Variants in FAM185A observed in about 807,000 individuals in gnomAD.
FAM185A encodes the protein protein FAM185A.
Under a neutral mutation model 45.7 loss-of-function variants are expected in FAM185A, and 21 were observed. The ratio of observed to expected loss-of-function variants is 0.46; its 90% CI spans 0.33 to 0.66. The LOEUF is 0.66. Ranked by LOEUF, FAM185A falls within the 30% of genes least tolerant of loss-of-function variation. FAM185A has a pLI of 0.03. For missense variants in FAM185A, 305 were observed against 485.4 expected (o/e 0.63, Z 3.49); for synonymous variants, 117 against 194.0 (o/e 0.60, Z 3.30).
downstream of FAM185A, among the ~76,000 whole-genome samples, chr7:102,810,074 G>A (rs936628382): frequency 3.3e-5 from 5 of 152,072 alleles, no homozygotes; most frequent in Non-Finnish European, 5.9e-5. Context: ...AGAGAGGCCC[G>A]TGCGATGCTT....
intron 4 of FAM185A, among the ~76,000 whole-genome samples, chr7:102,767,809 C>A (rs1794504860): frequency 6.7e-6 from 1 of 150,018 alleles, no homozygotes; most frequent in East Asian, 2.0e-4. Context: ...AGTCCCTGAA[C>A]GTCATCTGTA....
intron 7 of FAM185A, among the ~76,000 whole-genome samples, chr7:102,805,712 A>G (rs747939270): frequency 2.0e-5 from 3 of 152,162 alleles, no homozygotes; most frequent in Non-Finnish European, 4.4e-5. Flanking sequence ...TTAAAATAAA[A>G]TAAAGGTGGG....
At chr7:102,758,360 C>A (rs547758646) in intron 3 of FAM185A, among the ~76,000 whole-genome samples, 5,427 of 140,816 alleles carry the variant, frequency 0.039, 98 homozygotes, top group African/African-American at 0.062. Context: ...AAGGATGTTT[C>A]AAAACTCAGC....
chr7:102,761,998 G>T (rs1483453852), intron 4 of FAM185A, among the ~76,000 whole-genome samples: 1 of 152,158 alleles, frequency 6.6e-6, no homozygotes, highest in Non-Finnish European at 1.5e-5. Flanking sequence ...AAATAGCAAG[G>T]AAATACATGC....
At chr7:102,831,431 A>ACACACACCCC in the FAM185A span, among the ~76,000 whole-genome samples, 35 of 147,236 alleles carry the variant, frequency 2.4e-4, no homozygotes, top group African/African-American at 8.2e-4. Flanking sequence ...ACACACACAC[A>ACACACACCCC]CCCCACTACA....
At chr7:102,826,779 A>G in the FAM185A span, among the ~76,000 whole-genome samples, 1 of 128,104 alleles carries the variant, frequency 7.8e-6, no homozygotes, top group Non-Finnish European at 1.6e-5. Context: ...ATATGTATAT[A>G]TATCTCTAAT....
the FAM185A span, among the ~76,000 whole-genome samples, chr7:102,844,996 T>G: frequency 6.6e-6 from 1 of 152,048 alleles, no homozygotes. Context: ...TGCAGGAACT[T>G]CTGTCCCCAC....
intron 6 of FAM185A, among the ~76,000 whole-genome samples, chr7:102,780,843 G>A (rs1003123176): frequency 1.3e-5 from 2 of 152,220 alleles, no homozygotes; most frequent in East Asian, 1.9e-4. Flanking sequence ...CACCGAGCGT[G>A]AGCCAAAGCA....
the FAM185A span, chr7:102,822,382 C>T: frequency 1.4e-6 from 1 of 711,150 alleles, no homozygotes; most frequent in Non-Finnish European, 2.5e-6. Flanking sequence ...GATAGAGGTA[C>T]CTGCAATTGG....
the FAM185A span, among the ~76,000 whole-genome samples, chr7:102,846,933 A>G: frequency 3.9e-5 from 6 of 152,170 alleles, no homozygotes; most frequent in Non-Finnish European, 8.8e-5. Context: ...GTTCTTCTGT[A>G]TGGCCTACAC....
chr7:102,832,251 T>C, the FAM185A span, among the ~76,000 whole-genome samples: 1 of 152,200 alleles, frequency 6.6e-6, no homozygotes, highest in Non-Finnish European at 1.5e-5. Context: ...CAAAAGATGA[T>C]GGTATGTCCT....
chr7:102,761,587 AATTTT>A lies in FAM185A; in HGVS notation c.793+181_793+185del, dbSNP rs1404753416. 8.9e-4 allele frequency among the ~76,000 whole-genome samples: 135 copies of A among 151,790 alleles called. 1 individual carries two copies. Among genetic ancestry groups the A allele is most frequent in the Non-Finnish European group, 6.9e-4 (47 of 67,876 alleles). ...ATAAAATGACTCATAAAGCTAATTTAATTTTATTTGTGCAAGAGATTAAAGATTAT... is the reference window on the plus strand; with the variant it reads ...ATAAAATGACTCATAAAGCTAATTTAATTTGTGCAAGAGATTAAAGATTAT... On this transcript the variant is annotated intron_variant, in intron 4 of 7. Coordinates refer to ENST00000413034, the MANE Select transcript of FAM185A (RefSeq NM_001145268.2).
At chr7:102,758,347 T>C (rs1292777699) in intron 3 of FAM185A, among the ~76,000 whole-genome samples, 7 of 150,144 alleles carry the variant, frequency 4.7e-5, no homozygotes, top group East Asian at 4.0e-4. Context: ...CTTAGGCAAA[T>C]TGAAGGATGT....
At chr7:102,842,495 T>A in the FAM185A span, among the ~76,000 whole-genome samples, 1 of 152,252 alleles carries the variant, frequency 6.6e-6, no homozygotes, top group African/African-American at 2.4e-5. Context: ...CTGATGAGAA[T>A]GATTGATGAG....
the FAM185A span, among the ~76,000 whole-genome samples, chr7:102,845,807 T>C: frequency 0.17 from 25,977 of 152,146 alleles, 2,280 homozygotes; most frequent in Middle Eastern, 0.26. Flanking sequence ...CCACTTTCCT[T>C]GTTAAAGTGA....
chr7:102,769,167 C>A (rs185535214), intron 4 of FAM185A, among the ~76,000 whole-genome samples: 1 of 152,120 alleles, frequency 6.6e-6, no homozygotes, highest in East Asian at 1.9e-4. Context: ...GTGTTACTTA[C>A]AACTAGACAG....
At position 102,777,094 on chromosome 7, in the gene FAM185A, G is replaced by A. The variant is rs183868418; in HGVS notation, c.836-159G>A. Reference sequence around the variant, plus strand: ...TTTCTAGGTTTCTGATACTGTTTACGTTCAAGTGCAAACAATGGCATTGTT... The same window carrying A: ...TTTCTAGGTTTCTGATACTGTTTACATTCAAGTGCAAACAATGGCATTGTT... On this transcript the variant is annotated intron_variant, in intron 5 of 7. Transcript: ENST00000413034. Among the ~76,000 whole-genome samples, 276 of 152,210 alleles carry A rather than the reference G, an allele frequency of 1.8e-3. 2 individuals are homozygous for A. In the Middle Eastern group the frequency reaches 0.02, roughly 11 times the overall value.
chr7:102,758,426 G>T (rs1793894274), intron 3 of FAM185A, among the ~76,000 whole-genome samples: 4 of 95,862 alleles, frequency 4.2e-5, no homozygotes, highest in Admixed American at 1.3e-4. Flanking sequence ...TGCTCTCACA[G>T]CTTTTTTTTT....
chr7:102,823,903 A>G, the FAM185A span, among the ~76,000 whole-genome samples: 1 of 152,202 alleles, frequency 6.6e-6, no homozygotes, highest in Non-Finnish European at 1.5e-5. Context: ...AATGCCTCAG[A>G]CATTCCTGCC....
Sources: allele counts gnomAD v4.1 joint callset (sites outside exome capture counted in the v4.1 genomes callset), GRCh38; gene constraint gnomAD v4.1.1; transcripts MANE v1.5; gene names NCBI Gene and HGNC (gene_info 2026-07-23, HGNC 2026-07-21).